Variants in FAM131B observed in about 807,000 individuals in gnomAD.
The protein encoded by FAM131B is protein FAM131B.
FAM131B carries 19 observed loss-of-function variants against 42.0 expected under a neutral mutation model. The observed-to-expected ratio is 0.45, with a 90% confidence interval of 0.32 to 0.66. The LOEUF (loss-of-function observed/expected upper bound fraction) is 0.66. FAM131B is among the 30% of genes least tolerant of loss of function. The pLI, the probability that FAM131B is intolerant of heterozygous loss-of-function variation, is 0.05. For missense variants in FAM131B, 370 were observed against 468.4 expected (o/e 0.79, Z 1.94); for synonymous variants, 183 against 177.6 (o/e 1.03, Z -0.24).
rs1563096998 is a variant in FAM131B at position 143,360,153 on chromosome 7, A to G, written c.29-4T>C. On this transcript the variant is annotated splice_polypyrimidine_tract_variant and splice_region_variant and intron_variant, in intron 1 of 6. Transcript: ENST00000443739. ...TCCACTGCAATCACCTCATTCCCTG[A>G]GGGGGCCAGAAGGTTAGCCGCCGGC... The G allele has an allele frequency of 6.2e-7, 1 of 1,605,428 alleles. No individual in the cohort carries two copies. The highest frequency in any genetic ancestry group is 8.5e-7 in the Non-Finnish European group (1 of 1,175,934).
rs1299933703 is a variant in FAM131B at position 143,360,034 on chromosome 7, T to A, written c.138+6A>T. 1 of 1,606,844 alleles carries A rather than the reference T, an allele frequency of 6.2e-7. No homozygotes were observed. The highest frequency in any genetic ancestry group is 8.5e-7 in the Non-Finnish European group (1 of 1,173,974). Reference sequence around the variant, plus strand: ...AGAGACTTGGGGTGGCTGAGTGAGGTCTCACCTCAGTCGATGGCCGATGGA... The same window carrying A: ...AGAGACTTGGGGTGGCTGAGTGAGGACTCACCTCAGTCGATGGCCGATGGA... On this transcript the variant is annotated splice_donor_region_variant and intron_variant, in intron 2 of 6. Coordinates refer to ENST00000443739, the MANE Select transcript of FAM131B (RefSeq NM_001031690.3).
At position 143,358,886 on chromosome 7, in the gene FAM131B, C is replaced by T; in HGVS notation, c.407G>A (p.Arg136Lys). The T allele has an allele frequency of 6.2e-7, 1 of 1,614,136 alleles. No homozygotes were observed. Residue 136 changes from arginine to lysine, a missense_variant, in exon 5 of 7, where the codon AGG (arginine) becomes AAG (lysine). Transcript: ENST00000443739. This position sits in a 1 kb window ranked among gnomAD's most constrained non-coding sequence, Gnocchi z 4.7. The stretch of plus-strand genomic sequence containing the variant: ...GAGGTCGGAGTAGGCATCCGTATCC[C>T]TGCGCACGGACTCATGGCTGTGTTG... The part of the protein sequence containing the change: ...QPQHSHESVR[R>K]DTDAYSDLSD...
chr7:143,359,229 T>C lies in FAM131B; in HGVS notation c.268+97A>G. On this transcript the variant is annotated intron_variant, in intron 4 of 6. Transcript: ENST00000443739. This position sits in a 1 kb window ranked among gnomAD's most constrained non-coding sequence, Gnocchi z 5.4. ...GGGTGAATAGGTCAGGGGGTGGGGA[T>C]GAGGGTCTTCATCAACCTCGAAGGA... 9.2e-7 allele frequency: 1 copy of C among 1,091,560 alleles called. No homozygotes were observed. The highest frequency in any genetic ancestry group is 2.0e-5 in the Admixed American group (1 of 50,382). The allele number at this position is 1,091,560 out of a possible 1,614,324, so 67.6% of individuals were successfully genotyped here. A position where few individuals can be genotyped will look rare whatever the true frequency, so the allele number is the denominator to read the frequency against.
intron 1 of FAM131B, chr7:143,360,830 A>G (rs1803929781): frequency 1.3e-5 from 2 of 152,494 alleles, no homozygotes; most frequent in South Asian, 4.1e-4. Context: ...CAGAGAGAAG[A>G]CAGAAGATGG....
Position 143,355,618 on chromosome 7 carries a change from C to G in FAM131B, c.*932G>C, listed in dbSNP as rs1480579580. 6.6e-6 allele frequency: 1 copy of G among 152,646 alleles called. No homozygotes were observed. The highest frequency in any genetic ancestry group is 1.5e-5 in the Non-Finnish European group (1 of 68,048). The allele number at this position is 152,646 out of a possible 1,614,324, so 9.5% of individuals were successfully genotyped here. On this transcript the variant is annotated 3_prime_UTR_variant, in exon 7 of 7. Transcript: ENST00000443739. The surrounding 1 kb of genome is among the most constrained non-coding windows in gnomAD (Gnocchi z 4.1). ...GACAGGGGTGAATAAGGGGAGACAGCCCTCATGCTCCCCCTGCTGTTGGCG... is the reference window on the plus strand; with the variant it reads ...GACAGGGGTGAATAAGGGGAGACAGGCCTCATGCTCCCCCTGCTGTTGGCG...
the FAM131B span, among the ~76,000 whole-genome samples, chr7:143,370,759 C>G: frequency 6.6e-6 from 1 of 152,188 alleles, no homozygotes; most frequent in Non-Finnish European, 1.5e-5. Flanking sequence ...CAGGGCTGCT[C>G]TGTGTGTGTA....
In FAM131B at chr7:143,362,051, G is replaced by A; in HGVS notation, c.28+525C>T. 1.0e-6 allele frequency: 1 copy of A among 985,290 alleles called. No individual in the cohort carries two copies. The highest frequency in any genetic ancestry group is 4.7e-5 in the South Asian group (1 of 21,292). The allele number at this position is 985,290 out of a possible 1,614,324, so 61.0% of individuals were successfully genotyped here. On this transcript the variant is annotated intron_variant, in intron 1 of 6. Coordinates refer to ENST00000443739, the MANE Select transcript of FAM131B (RefSeq NM_001031690.3). The surrounding 1 kb of genome is among the most constrained non-coding windows in gnomAD (Gnocchi z 7.7). The stretch of plus-strand genomic sequence containing the variant: ...CGAATCGGAGGAGGCAGGAACGACA[G>A]TAAAAGGCAACGGAGAGGGAGAGAG...
Position 143,356,502 on chromosome 7 carries a change from G to A in FAM131B, c.*48C>T. The A allele has an allele frequency of 7.0e-7, 1 of 1,418,462 alleles. No individual in the cohort carries two copies. The highest frequency in any genetic ancestry group is 9.9e-7 in the Non-Finnish European group (1 of 1,012,012). The allele number at this position is 1,418,462 out of a possible 1,614,324, so 87.9% of individuals were successfully genotyped here. A position where few individuals can be genotyped will look rare whatever the true frequency, so the allele number is the denominator to read the frequency against. ...GGGGGGAGGGAGGGTATGGGTCACA[G>A]CCATGGCCCTCAGGTGGGAGTGGAA... On this transcript the variant is annotated 3_prime_UTR_variant, in exon 7 of 7. Coordinates refer to ENST00000443739, the MANE Select transcript of FAM131B (RefSeq NM_001031690.3). The surrounding 1 kb of genome is among the most constrained non-coding windows in gnomAD (Gnocchi z 4.4).
At chr7:143,357,152 G>T in intron 6 of FAM131B, 128 bp downstream of exon 6, 1 of 1,159,916 alleles carries the variant, frequency 8.6e-7, no homozygotes, top group Non-Finnish European at 1.3e-6. Context: ...TGCACAGTGA[G>T]TAGGGAGGAC....
In FAM131B at chr7:143,358,365, C is replaced by T. The variant is rs1803784403; in HGVS notation, c.466+462G>A. On this transcript the variant is annotated intron_variant, in intron 5 of 6. Transcript: ENST00000443739. The surrounding 1 kb of genome is among the most constrained non-coding windows in gnomAD (Gnocchi z 4.7). ...ACACTACTTTCCTGGAACTAAACCT[C>T]TTCTGTAGGCCTCCCGTCTCTCACA... is the stretch of plus-strand genomic sequence containing the variant. 6.6e-6 allele frequency among the ~76,000 whole-genome samples: 1 copy of T among 152,236 alleles called. No individual in the cohort carries two copies. The highest frequency in any genetic ancestry group is 1.5e-5 in the Non-Finnish European group (1 of 68,048).
the FAM131B span, chr7:143,381,333 C>G: frequency 2.6e-6 from 3 of 1,136,962 alleles, no homozygotes; most frequent in South Asian, 4.1e-5. Flanking sequence ...GGAGGCTGCT[C>G]CGGACCGGGA....
At chr7:143,368,151 G>C in the FAM131B span, among the ~76,000 whole-genome samples, 83 of 152,326 alleles carry the variant, frequency 5.4e-4, no homozygotes, top group Middle Eastern at 3.4e-3. Flanking sequence ...ACCATGACCA[G>C]GCCACAAGCA....
upstream of FAM131B, among the ~76,000 whole-genome samples, chr7:143,366,665 C>T (rs572523988): frequency 6.6e-6 from 1 of 151,140 alleles, no homozygotes; most frequent in South Asian, 2.1e-4. Context: ...TCAAGCAATT[C>T]TACTGCCTTA....
intron 6 of FAM131B, 86 bp from the exon 7 acceptor site, chr7:143,357,108 A>G: frequency 8.6e-7 from 1 of 1,167,880 alleles, no homozygotes; most frequent in Non-Finnish European, 1.3e-6. Flanking sequence ...GACAGCTAAG[A>G]GACAGCACAG....
the FAM131B span, among the ~76,000 whole-genome samples, chr7:143,369,674 C>CA: frequency 0.46 from 62,670 of 135,112 alleles, 15,294 homozygotes; most frequent in East Asian, 0.81. Context: ...GAATCCGTCT[C>CA]AAAAAAAAAA....
At position 143,362,031 on chromosome 7, in the gene FAM131B, C is replaced by A; in HGVS notation, c.28+545G>T. ...GAAAACGCACGTGAACAAAGCGAAT[C>A]GGAGGAGGCAGGAACGACAGTAAAA... On this transcript the variant is annotated intron_variant, in intron 1 of 6. Transcript: ENST00000443739. This position sits in a 1 kb window ranked among gnomAD's most constrained non-coding sequence, Gnocchi z 7.7. 4.1e-6 allele frequency: 4 copies of A among 980,946 alleles called. No homozygotes were observed. Among genetic ancestry groups the A allele is most frequent in the Non-Finnish European group, 4.8e-6 (4 of 825,944 alleles). The allele number at this position is 980,946 out of a possible 1,614,324, so 60.8% of individuals were successfully genotyped here.
Position 143,356,570 on chromosome 7 carries a change from C to T in FAM131B, c.1063G>A (p.Glu355Lys). ...SSGVQSFDEEEGEANN is the reference protein window; with the variant it reads ...SSGVQSFDEEKGEANN ...GGAAACTAGTTGTTGGCCTCGCCTT[C>T]CTCCTCATCAAAGGACTGCACACCT... Residue 355 changes from glutamate to lysine, a missense_variant, in exon 7 of 7, where the codon GAA becomes AAA. Coordinates refer to ENST00000443739, the MANE Select transcript of FAM131B (RefSeq NM_001031690.3). The surrounding 1 kb of genome is among the most constrained non-coding windows in gnomAD (Gnocchi z 4.4). 1 of 1,613,080 alleles carries T rather than the reference C, an allele frequency of 6.2e-7. No individual in the cohort carries two copies. The highest frequency in any genetic ancestry group is 8.5e-7 in the Non-Finnish European group (1 of 1,179,266).
the FAM131B span, among the ~76,000 whole-genome samples, chr7:143,370,436 T>C: frequency 2.6e-5 from 4 of 152,226 alleles, no homozygotes; most frequent in Non-Finnish European, 5.9e-5. Flanking sequence ...CCTGCTGGGC[T>C]GTGTTCCCAG....
the FAM131B span, among the ~76,000 whole-genome samples, chr7:143,378,542 C>G: frequency 2.0e-5 from 3 of 149,258 alleles, no homozygotes; most frequent in Admixed American, 6.7e-5. Flanking sequence ...GCCCAGCAAT[C>G]GTTAAGGCCA....
Sources: allele counts gnomAD v4.1 joint callset (sites outside exome capture counted in the v4.1 genomes callset), GRCh38; gene constraint gnomAD v4.1.1; non-coding constraint Gnocchi (gnomAD v3.1); transcripts MANE v1.5; gene names NCBI Gene and HGNC (gene_info 2026-07-23, HGNC 2026-07-21).